Variants in RANBP2 observed in about 807,000 individuals in gnomAD.
The protein encoded by RANBP2 is RAN binding protein 2, also known as E3 SUMO-protein ligase RanBP2.
RANBP2 carries 57 observed loss-of-function variants against 303.6 expected under a neutral mutation model. The observed-to-expected ratio is 0.19, with a 90% CI of 0.15 to 0.23. RANBP2 has a LOEUF of 0.23. Ranked by LOEUF, RANBP2 falls within the 10% of genes least tolerant of loss-of-function variation. The pLI, the probability that RANBP2 is intolerant of heterozygous loss-of-function variation, is 1.00. For missense variants in RANBP2, 3,138 were observed against 3,780.8 expected, an observed-to-expected ratio of 0.83 and a Z score of 4.46; for synonymous variants, 1,167 against 1,301.5, an observed-to-expected ratio of 0.90 and a Z score of 2.23.
the RANBP2 span, among the ~76,000 whole-genome samples, chr2:109,433,181 A>G: frequency 6.6e-6 from 1 of 152,184 alleles, no homozygotes. Context: ...GCATGTGTGT[A>G]TGCAGTGTGT....
chr2:109,444,323 AG>A, the RANBP2 span, among the ~76,000 whole-genome samples: 1 of 152,234 alleles, frequency 6.6e-6, no homozygotes, highest in African/African-American at 2.4e-5. Flanking sequence ...ATATTTAAAA[AG>A]TCAACTCTGT....
chr2:109,735,429 T>C, the RANBP2 span, among the ~76,000 whole-genome samples: 2 of 152,312 alleles, frequency 1.3e-5, no homozygotes, highest in East Asian at 3.9e-4. Flanking sequence ...TAGGTTGATA[T>C]CATATCTTGG....
chr2:108,877,815 G>T, the RANBP2 span, among the ~76,000 whole-genome samples: 2 of 152,204 alleles, frequency 1.3e-5, no homozygotes, highest in Non-Finnish European at 2.9e-5. Context: ...TGAGAAAAGG[G>T]TTCTATAATT....
the RANBP2 span, among the ~76,000 whole-genome samples, chr2:109,656,160 A>G: frequency 6.6e-6 from 1 of 152,152 alleles, no homozygotes; most frequent in African/African-American, 2.4e-5. Context: ...CTACTGCACC[A>G]TGAGCCACAG....
the RANBP2 span, among the ~76,000 whole-genome samples, chr2:109,249,532 T>TTTCTTTCCTTCC: frequency 1.0e-4 from 10 of 96,494 alleles, no homozygotes; most frequent in African/African-American, 1.4e-4. Flanking sequence ...TCTTTCTTTC[T>TTTCTTTCCTTCC]TTCCTTCCTT....
the RANBP2 span, chr2:109,614,180 A>T: frequency 8.6e-7 from 1 of 1,159,286 alleles, no homozygotes; most frequent in Non-Finnish European, 1.1e-6. Context: ...CGGAGCAGTG[A>T]TTGCGGCCCT....
At chr2:109,615,541 A>G in the RANBP2 span, 1 of 1,613,974 alleles carries the variant, frequency 6.2e-7, no homozygotes, top group Non-Finnish European at 8.5e-7. Context: ...GCAGCCATGC[A>G]CGGCCACGTG....
the RANBP2 span, among the ~76,000 whole-genome samples, chr2:109,033,074 T>C: frequency 1.3e-5 from 2 of 152,224 alleles, no homozygotes; most frequent in Non-Finnish European, 2.9e-5. Context: ...CAGGCCTTAG[T>C]ATGATCCATG....
At chr2:109,256,336 G>C in the RANBP2 span, among the ~76,000 whole-genome samples, 6 of 152,242 alleles carry the variant, frequency 3.9e-5, no homozygotes, top group Admixed American at 1.3e-4. Context: ...GGGCGAGCTT[G>C]GAAGGTGCTC....
the RANBP2 span, chr2:109,592,936 G>A: frequency 1.8e-6 from 1 of 545,572 alleles, no homozygotes; most frequent in Admixed American, 3.7e-5. Flanking sequence ...CACGTTGGAG[G>A]TAAGTACAAA....
chr2:108,796,277 A>C, the RANBP2 span, among the ~76,000 whole-genome samples: 52 of 150,154 alleles, frequency 3.5e-4, 2 homozygotes, highest in South Asian at 0.011. Flanking sequence ...GATGGTCTCG[A>C]TCTCCTGACC....
chr2:109,487,294 C>A, the RANBP2 span, among the ~76,000 whole-genome samples: 3 of 152,218 alleles, frequency 2.0e-5, no homozygotes, highest in African/African-American at 7.2e-5. Context: ...CGAGTACATG[C>A]CAACTGTCCA....
chr2:109,398,514 C>A, the RANBP2 span: 2 of 1,300,770 alleles, frequency 1.5e-6, no homozygotes, highest in Non-Finnish European at 2.1e-6. Flanking sequence ...GGAAATGTGG[C>A]CTGGAGAGTG....
chr2:109,617,776 T>C, the RANBP2 span: 1 of 164,976 alleles, frequency 6.1e-6, no homozygotes, highest in African/African-American at 2.4e-5. Flanking sequence ...CCCAGCACTT[T>C]GGGAGGCCGA....
At chr2:109,370,389 G>A in the RANBP2 span, among the ~76,000 whole-genome samples, 11 of 152,124 alleles carry the variant, frequency 7.2e-5, no homozygotes, top group African/African-American at 2.7e-4. Context: ...ACAGGTGCCT[G>A]CCACCATGCC....
At chr2:109,526,465 C>T in the RANBP2 span, among the ~76,000 whole-genome samples, 6 of 152,162 alleles carry the variant, frequency 3.9e-5, no homozygotes, top group Admixed American at 1.3e-4. Flanking sequence ...GCATGTGCCA[C>T]CATGCCTTAT....
At chr2:109,655,850 G>C in the RANBP2 span, among the ~76,000 whole-genome samples, 3 of 152,136 alleles carry the variant, frequency 2.0e-5, no homozygotes, top group African/African-American at 7.2e-5. Context: ...CTCGTTTTCA[G>C]AGTCAGACAT....
the RANBP2 span, among the ~76,000 whole-genome samples, chr2:109,716,657 C>T: frequency 6.6e-6 from 1 of 152,212 alleles, no homozygotes; most frequent in East Asian, 1.9e-4. Context: ...GGTGATTCTC[C>T]TACCTCAGCT....
the RANBP2 span, among the ~76,000 whole-genome samples, chr2:109,702,205 T>C: frequency 1.3e-5 from 2 of 152,094 alleles, no homozygotes; most frequent in Admixed American, 6.5e-5. Context: ...GACCAGGCCA[T>C]GGAGGAATGG....
Sources: gnomAD v4.1 joint callset for allele counts (sites outside exome capture counted in the v4.1 genomes callset) on GRCh38, gnomAD v4.1.1 for gene constraint, MANE v1.5 for transcripts, NCBI Gene and HGNC (gene_info 2026-07-23, HGNC 2026-07-21) for gene names.